TMEM167A: variants seen among roughly 807,000 people sequenced by gnomAD.
TMEM167A encodes the protein transmembrane protein 167A, also known as protein kish-A.
Under a neutral mutation model 11.6 loss-of-function variants are expected in TMEM167A, and 8 were observed. The observed-to-expected ratio is 0.69, with a 90% confidence interval of 0.40 to 1.24. The LOEUF is 1.24. Among genes scored for constraint, TMEM167A ranks in the 50% most tolerant of loss-of-function variants. TMEM167A has a pLI of 0.01. For synonymous variants in TMEM167A, 22 were observed against 28.0 expected, an observed-to-expected ratio of 0.79 and a Z score of 0.67; for missense variants, 62 against 87.0, an observed-to-expected ratio of 0.71 and a Z score of 1.14.
At chr5:83,062,596 A>G (rs1393180756) in intron 2 of TMEM167A, among the ~76,000 whole-genome samples, 1 of 152,068 alleles carries the variant, frequency 6.6e-6, no homozygotes, top group Non-Finnish European at 1.5e-5. Context: ...TATGAATTAC[A>G]TATTATATGG....
chr5:83,074,415 T>C (rs116575987), intron 1 of TMEM167A, among the ~76,000 whole-genome samples: 363 of 152,364 alleles, frequency 2.4e-3, no homozygotes, highest in African/African-American at 8.4e-3. Context: ...CTGTGTTTAA[T>C]GATTTTCTAC....
intron 1 of TMEM167A, among the ~76,000 whole-genome samples, chr5:83,075,439 T>C (rs925218640): frequency 1.2e-3 from 177 of 152,332 alleles, no homozygotes; most frequent in African/African-American, 4.0e-3. Context: ...CATTTTATCC[T>C]TGAAATGCTT....
chr5:83,074,141 C>A (rs1357846527), intron 1 of TMEM167A, among the ~76,000 whole-genome samples: 1 of 152,158 alleles, frequency 6.6e-6, no homozygotes, highest in Non-Finnish European at 1.5e-5. Context: ...AAAATCTGGC[C>A]CCAATCTTTC....
intron 3 of TMEM167A, 128 bp from the exon 4 acceptor site, chr5:83,057,282 G>C (rs1580172307): frequency 1.3e-6 from 1 of 754,516 alleles, no homozygotes; most frequent in Non-Finnish European, 2.2e-6. Context: ...GGGTGGGGCA[G>C]TGACAAAAAC....
At chr5:83,074,167 C>A (rs1035969471) in intron 1 of TMEM167A, among the ~76,000 whole-genome samples, 1 of 152,226 alleles carries the variant, frequency 6.6e-6, no homozygotes, top group Admixed American at 6.5e-5. Context: ...TCATCTATCA[C>A]CAGTCCACTA....
chr5:83,054,267 C>T lies in TMEM167A; in HGVS notation c.*2817G>A, dbSNP rs1166163179. 1 of 151,932 alleles carries T rather than the reference C, an allele frequency of 6.6e-6. No individual in the cohort carries two copies. The highest frequency in any genetic ancestry group is 1.5e-5 in the Non-Finnish European group (1 of 67,900). The allele number at this position is 151,932 out of a possible 1,614,324, so 9.4% of individuals were successfully genotyped here. A position where few individuals can be genotyped will look rare whatever the true frequency, so the allele number is the denominator to read the frequency against. On this transcript the variant is annotated 3_prime_UTR_variant, in exon 4 of 4. Transcript: ENST00000502346. The stretch of plus-strand genomic sequence containing the variant: ...GATTAACAAGACACTGGACTTGATC[C>T]TCAAATTATTTAAGCCACAGAAGGG...
intron 1 of TMEM167A, chr5:83,071,227 A>G (rs1489603212): frequency 1.3e-5 from 2 of 152,182 alleles, no homozygotes; most frequent in African/African-American, 4.8e-5. Context: ...TGAAGCTTCA[A>G]ATGTTGACTG....
At chr5:83,062,371 A>T (rs1744419188) in intron 2 of TMEM167A, among the ~76,000 whole-genome samples, 1 of 152,208 alleles carries the variant, frequency 6.6e-6, no homozygotes, top group Non-Finnish European at 1.5e-5. Flanking sequence ...AAAGTTAAAT[A>T]ATCTATAATA....
At chr5:83,059,720 T>A (rs1744379995) in intron 3 of TMEM167A, among the ~76,000 whole-genome samples, 1 of 152,044 alleles carries the variant, frequency 6.6e-6, no homozygotes, top group Non-Finnish European at 1.5e-5. Flanking sequence ...CACCATAAAT[T>A]TCTGTAAATC....
At chr5:83,063,311 G>A (rs564415626) in intron 2 of TMEM167A, among the ~76,000 whole-genome samples, 3 of 152,142 alleles carry the variant, frequency 2.0e-5, no homozygotes, top group South Asian at 2.1e-4. Flanking sequence ...GTGATTACAC[G>A]GAAAGTCCTT....
rs996669964 is a variant in TMEM167A, at chr5:83,056,442, C to A, written c.*642G>T. 1.3e-5 allele frequency: 2 copies of A among 152,078 alleles called. No individual in the cohort carries two copies. Among genetic ancestry groups the A allele is most frequent in the Admixed American group, 1.3e-4 (2 of 15,222 alleles). 9.4% of individuals were successfully genotyped at this position (152,078 alleles called of 1,614,324 possible). A position where few individuals can be genotyped will look rare whatever the true frequency, so the allele number is the denominator to read the frequency against. On this transcript the variant is annotated 3_prime_UTR_variant, in exon 4 of 4. Transcript: ENST00000502346. Reference sequence around the variant, plus strand: ...GAGCCTACTATGTCATTTGGCTAGTCTAAATCCACTAATGTTAACTATCAA... The same window carrying A: ...GAGCCTACTATGTCATTTGGCTAGTATAAATCCACTAATGTTAACTATCAA...
At chr5:83,064,413 G>T (rs1027675168) in intron 2 of TMEM167A, 18 of 484,938 alleles carry the variant, frequency 3.7e-5, no homozygotes, top group African/African-American at 3.0e-4. Flanking sequence ...ATTCTTTAAT[G>T]AGATAAACAC....
chr5:83,061,108 G>A (rs1046231396), intron 3 of TMEM167A, among the ~76,000 whole-genome samples: 20 of 152,044 alleles, frequency 1.3e-4, no homozygotes, highest in Non-Finnish European at 8.8e-5. Flanking sequence ...CAAACAGTTC[G>A]GCTATGACCA....
At chr5:83,062,957 C>T (rs1225207813) in intron 2 of TMEM167A, among the ~76,000 whole-genome samples, 2 of 150,998 alleles carry the variant, frequency 1.3e-5, no homozygotes, top group African/African-American at 4.9e-5. Flanking sequence ...ATATATGTTC[C>T]TCCTCTGAAG....
chr5:83,073,618 A>C (rs1467802237), intron 1 of TMEM167A, among the ~76,000 whole-genome samples: 1 of 152,208 alleles, frequency 6.6e-6, no homozygotes, highest in Non-Finnish European at 1.5e-5. Flanking sequence ...TCCAGTGCAG[A>C]GCACTCAAAC....
In TMEM167A at chr5:83,065,133, A is replaced by G. The variant is rs753782018; in HGVS notation, c.4-16T>C. On this transcript the variant is annotated splice_polypyrimidine_tract_variant and intron_variant, in intron 1 of 3. Transcript: ENST00000502346. ...AAATGGCAGACTAAAAAGAAAAAAA[A>G]AAAAGAAAAATTAATATCAAGAAAA... 6.7e-7 allele frequency: 1 copy of G among 1,495,398 alleles called. No individual in the cohort carries two copies. Among genetic ancestry groups the G allele is most frequent in the Non-Finnish European group, 9.1e-7 (1 of 1,100,420 alleles). The allele number at this position is 1,495,398 out of a possible 1,614,324, so 92.6% of individuals were successfully genotyped here.
At position 83,069,579 on chromosome 5, in the gene TMEM167A, C is replaced by A. The variant is rs376030997; in HGVS notation, c.4-4462G>T. 3.9e-5 allele frequency among the ~76,000 whole-genome samples: 6 copies of A among 152,094 alleles called. No homozygotes were observed. The South Asian group carries it at 1.2e-3, about 32-fold the overall frequency. On this transcript the variant is annotated intron_variant, in intron 1 of 3. Transcript: ENST00000502346. ...TGCCTGCTTGGTGAACTGACTCATG[C>A]GTCCAATCTCAACTCAAGATTCACC...
rs1744314099 is a variant in TMEM167A at position 83,055,431 on chromosome 5, A to G, written c.*1653T>C. 1 of 151,990 alleles carries G rather than the reference A, an allele frequency of 6.6e-6. No individual in the cohort carries two copies. Among genetic ancestry groups the G allele is most frequent in the Admixed American group, 6.6e-5 (1 of 15,214 alleles). The allele number at this position is 151,990 out of a possible 1,614,324, so 9.4% of individuals were successfully genotyped here. A position where few individuals can be genotyped will look rare whatever the true frequency, so the allele number is the denominator to read the frequency against. On this transcript the variant is annotated 3_prime_UTR_variant, in exon 4 of 4. Transcript: ENST00000502346. ...TACACTGACAAGAATCCTATTTTTG[A>G]GAAACCCTAAAAATCCTTGACCTGA...
intron 1 of TMEM167A, among the ~76,000 whole-genome samples, chr5:83,069,866 T>C (rs1744535849): frequency 6.6e-6 from 1 of 152,100 alleles, no homozygotes; most frequent in Non-Finnish European, 1.5e-5. Flanking sequence ...AAGAGCATAC[T>C]TGGATTCCAA....
Sources: allele counts gnomAD v4.1 joint callset (sites outside exome capture counted in the v4.1 genomes callset), GRCh38; gene constraint gnomAD v4.1.1; transcripts MANE v1.5; gene names NCBI Gene and HGNC (gene_info 2026-07-23, HGNC 2026-07-21).